Variants in OTUD7A observed in about 807,000 individuals in gnomAD.
The protein encoded by OTUD7A is OTU deubiquitinase 7A, also known as OTU domain-containing protein 7A.
Under a neutral mutation model 65.7 loss-of-function variants are expected in OTUD7A, and 12 were observed. The ratio of observed to expected loss-of-function variants is 0.18; its 90% CI spans 0.12 to 0.30. The LOEUF (loss-of-function observed/expected upper bound fraction) is 0.30. Ranked by LOEUF, OTUD7A falls within the 10% of genes least tolerant of loss-of-function variation. The pLI, the probability that OTUD7A is intolerant of heterozygous loss-of-function variation, is 1.00. For missense variants in OTUD7A, 1,148 were observed against 1,304.8 expected, an observed-to-expected ratio of 0.88 and a Z score of 1.85; for synonymous variants, 641 against 586.3, an observed-to-expected ratio of 1.09 and a Z score of -1.35.
intron 3 of OTUD7A, among the ~76,000 whole-genome samples, chr15:31,635,319 T>C (rs1339551114): frequency 6.6e-6 from 1 of 152,232 alleles, no homozygotes; most frequent in Non-Finnish European, 1.5e-5. Flanking sequence ...CCTTGCTCAC[T>C]GCCCTCAATT....
chr15:31,501,984 G>T, intron 9 of OTUD7A, 145 bp from the exon 10 acceptor site: 1 of 920,806 alleles, frequency 1.1e-6, no homozygotes, highest in Non-Finnish European at 1.6e-6. Flanking sequence ...GCGGTGCTGA[G>T]GGATGGGGCT....
intron 5 of OTUD7A, 108 bp from the exon 6 acceptor site, chr15:31,530,916 A>G (rs2042077196): frequency 4.1e-6 from 3 of 727,262 alleles, no homozygotes; most frequent in Non-Finnish European, 4.5e-6. Flanking sequence ...ACAGGTTTCA[A>G]TAGAAAGGGG....
At chr15:31,849,646 T>A (rs941567666) in intron 1 of OTUD7A, among the ~76,000 whole-genome samples, 1 of 152,160 alleles carries the variant, frequency 6.6e-6, no homozygotes, top group Non-Finnish European at 1.5e-5. Flanking sequence ...ATTTTTGCAA[T>A]CTACCCATCT....
chr15:31,581,589 C>T (rs1316414508), intron 3 of OTUD7A, among the ~76,000 whole-genome samples: 4 of 152,260 alleles, frequency 2.6e-5, no homozygotes, highest in Non-Finnish European at 5.9e-5. Context: ...CACCTGCAGG[C>T]TTAACACCAT....
At chr15:31,525,215 A>G (rs1016222923) in intron 8 of OTUD7A, among the ~76,000 whole-genome samples, 1 of 152,228 alleles carries the variant, frequency 6.6e-6, no homozygotes, top group Admixed American at 6.5e-5. Flanking sequence ...CATCACAGGC[A>G]GGACTCGGGA....
chr15:31,617,850 A>G (rs1890641593), intron 3 of OTUD7A, among the ~76,000 whole-genome samples: 1 of 152,104 alleles, frequency 6.6e-6, no homozygotes, highest in Non-Finnish European at 1.5e-5. Context: ...ACATATGTAT[A>G]CATGTGCCAT....
At chr15:31,555,380 A>C (rs912144735) in intron 5 of OTUD7A, among the ~76,000 whole-genome samples, 1 of 152,198 alleles carries the variant, frequency 6.6e-6, no homozygotes, top group Admixed American at 6.5e-5. Flanking sequence ...TCATGTATTC[A>C]GTAAAATAAT....
At chr15:31,503,285 G>C (rs1044135271) in intron 9 of OTUD7A, among the ~76,000 whole-genome samples, 5 of 151,124 alleles carry the variant, frequency 3.3e-5, no homozygotes, top group African/African-American at 1.2e-4. Context: ...TATGCATTCT[G>C]TCTTCCTTTC....
chr15:31,590,424 G>A (rs546880242), intron 3 of OTUD7A, among the ~76,000 whole-genome samples: 2 of 152,200 alleles, frequency 1.3e-5, no homozygotes, highest in South Asian at 2.1e-4. Flanking sequence ...TATATAGTAT[G>A]TGCATAGTGT....
chr15:31,746,178 C>T (rs1486489975), intron 1 of OTUD7A, among the ~76,000 whole-genome samples: 1 of 152,158 alleles, frequency 6.6e-6, no homozygotes, highest in African/African-American at 2.4e-5. Context: ...GGGGTTTCCC[C>T]ACTAGGTATT....
intron 8 of OTUD7A, among the ~76,000 whole-genome samples, chr15:31,516,358 G>GGAGCCATGT (rs2041855455): frequency 6.6e-6 from 1 of 152,234 alleles, no homozygotes; most frequent in Non-Finnish European, 1.5e-5. Context: ...GTTGAGCATG[G>GGAGCCATGT]GAGCCATGTG....
At chr15:31,604,979 C>G (rs1286525758) in intron 3 of OTUD7A, among the ~76,000 whole-genome samples, 1 of 152,198 alleles carries the variant, frequency 6.6e-6, no homozygotes, top group Non-Finnish European at 1.5e-5. Flanking sequence ...AGCAGAGCAG[C>G]CCGGGAGGCA....
intron 3 of OTUD7A, among the ~76,000 whole-genome samples, chr15:31,631,750 T>C (rs1455107834): frequency 2.6e-5 from 4 of 152,232 alleles, no homozygotes; most frequent in Admixed American, 1.3e-4. Context: ...TTTGGTCTTT[T>C]CACATAGTCC....
Position 31,860,677 on chromosome 15 carries a change from G to GCATATA in OTUD7A, c.-100+9829_-100+9830insTATATG, listed in dbSNP as rs1555425281. On this transcript the variant is annotated intron_variant, in intron 1 of 12. Coordinates refer to ENST00000307050, the MANE Select transcript of OTUD7A (RefSeq NM_001382637.1). Reference sequence around the variant, plus strand: ...TGTGTGTATATATAGATGTATGTGTGTATATATATATATATATATATATGT... The same window carrying GCATATA: ...TGTGTGTATATATAGATGTATGTGTGCATATATATATATATATATATATATATATGT... Among the ~76,000 whole-genome samples the GCATATA allele has an allele frequency of 1.1e-3, 83 of 73,274 alleles. 2 individuals are homozygous for GCATATA. The highest frequency in any genetic ancestry group is 2.4e-3 in the South Asian group (4 of 1,646). The allele number at this position is 73,274 out of a possible 152,430, so 48.1% of individuals were successfully genotyped here. A position where few individuals can be genotyped will look rare whatever the true frequency, so the allele number is the denominator to read the frequency against.
At chr15:31,645,193 A>G (rs1260164722) in intron 3 of OTUD7A, among the ~76,000 whole-genome samples, 1 of 152,240 alleles carries the variant, frequency 6.6e-6, no homozygotes, top group East Asian at 1.9e-4. Context: ...TTCTCAAGGC[A>G]GTGAGCTGGG....
Position 31,870,672 on chromosome 15 carries a change from C to A in OTUD7A, c.-265G>T. 1 of 148,862 alleles carries A rather than the reference C, an allele frequency of 6.7e-6. No individual in the cohort carries two copies. Among genetic ancestry groups the A allele is most frequent in the South Asian group, 2.0e-4 (1 of 4,974 alleles). The allele number at this position is 148,862 out of a possible 1,614,324, so 9.2% of individuals were successfully genotyped here. On this transcript the variant is annotated 5_prime_UTR_variant, in exon 1 of 13. In the 5' UTR this introduces an upstream ATG that the reference lacks. Transcript: ENST00000307050. ...CCGCTCGCGGTCCCGGTGGCCTCTC[C>A]TCCCCCGCCTCCTCCCGCGCTCCGC...
chr15:31,548,571 G>C (rs1888212275), intron 5 of OTUD7A, among the ~76,000 whole-genome samples: 1 of 152,162 alleles, frequency 6.6e-6, no homozygotes, highest in African/African-American at 2.4e-5. Flanking sequence ...AGTCTCTTCT[G>C]CCTGTTCTGT....
chr15:31,701,346 A>T (rs1326651227), intron 1 of OTUD7A, among the ~76,000 whole-genome samples: 1 of 151,136 alleles, frequency 6.6e-6, no homozygotes, highest in African/African-American at 2.4e-5. Flanking sequence ...GTAAATGGGA[A>T]CTCTAAACTT....
Position 31,533,558 on chromosome 15 carries a change from T to C in OTUD7A, c.551-2750A>G, listed in dbSNP as rs537343696. 5.8e-4 allele frequency among the ~76,000 whole-genome samples: 88 copies of C among 152,284 alleles called. 1 individual carries two copies. The South Asian group carries it at 0.017, about 29-fold the overall frequency. On this transcript the variant is annotated intron_variant, in intron 5 of 12. Coordinates refer to ENST00000307050, the MANE Select transcript of OTUD7A (RefSeq NM_001382637.1). ...AGCCAAGATAATATTTTTTAAGTGC[T>C]GAAAGAAAATAACTGTCAGCCCAGA...
Sources: allele counts gnomAD v4.1 joint callset (sites outside exome capture counted in the v4.1 genomes callset), GRCh38; gene constraint gnomAD v4.1.1; transcripts MANE v1.5; gene names NCBI Gene and HGNC (gene_info 2026-07-23, HGNC 2026-07-21).